Variants in XIRP2 observed in about 807,000 individuals in gnomAD.
XIRP2 encodes the protein xin actin-binding repeat-containing protein 2.
Under a neutral mutation model 277.0 loss-of-function variants are expected in XIRP2, and 236 were observed. The ratio of observed to expected loss-of-function variants is 0.85; its 90% CI spans 0.77 to 0.95. The LOEUF (loss-of-function observed/expected upper bound fraction) is 0.95. XIRP2 is among the 40% of genes least tolerant of loss of function. The pLI, the probability that XIRP2 is intolerant of heterozygous loss-of-function variation, is 0.00. For synonymous variants in XIRP2, 1,490 were observed against 1,416.5 expected, an observed-to-expected ratio of 1.05 and a Z score of -1.17; for missense variants, 4,640 against 4,157.5, an observed-to-expected ratio of 1.12 and a Z score of -3.19.
chr2:167,027,191 C>T (rs1271260295), intron 2 of XIRP2, among the ~76,000 whole-genome samples: 2 of 152,088 alleles, frequency 1.3e-5, no homozygotes, highest in East Asian at 1.9e-4. Context: ...TTCTTGGAGG[C>T]TTTGTTCATT....
At chr2:167,045,372 GC>G (rs1462315088) in intron 2 of XIRP2, among the ~76,000 whole-genome samples, 1 of 151,962 alleles carries the variant, frequency 6.6e-6, no homozygotes, top group African/African-American at 2.4e-5. Context: ...GACTCCAAAA[GC>G]AATTGCAACA....
chr2:167,141,172 T>G (rs1286437492), intron 3 of XIRP2, among the ~76,000 whole-genome samples: 3 of 152,168 alleles, frequency 2.0e-5, no homozygotes, highest in Non-Finnish European at 4.4e-5. Flanking sequence ...TTTACTACCC[T>G]GAAATTGGAA....
At position 167,246,056 on chromosome 2, in the gene XIRP2, C is replaced by T. The variant is rs1302568355; in HGVS notation, c.4664C>T (p.Thr1555Ile). ...ATTATTGGCAAGAGCATTAAAGAAA[C>T]CTTAGAAGATCTCTACTCTCAAAAA... is the stretch of plus-strand genomic sequence containing the variant. ...IEIIGKSIKE[T>I]LEDLYSQKVI... is the part of the protein sequence containing the mutation. Residue 1555 changes from threonine (T) to isoleucine (I), a missense_variant, in exon 9 of 11, where the codon ACC becomes ATC. Coordinates refer to ENST00000409195, the MANE Select transcript of XIRP2 (RefSeq NM_152381.6). 2.5e-6 allele frequency: 4 copies of T among 1,613,408 alleles called. No homozygotes were observed. Among genetic ancestry groups the T allele is most frequent in the Admixed American group, 1.7e-5 (1 of 59,930 alleles).
At chr2:167,108,599 A>T (rs1001654879) in intron 2 of XIRP2, among the ~76,000 whole-genome samples, 6 of 152,086 alleles carry the variant, frequency 3.9e-5, no homozygotes, top group African/African-American at 1.4e-4. Context: ...TAATAGTTTT[A>T]AATTTAAATC....
chr2:167,258,397 A>T lies in XIRP2; in HGVS notation c.*580A>T. The T allele has an allele frequency of 6.2e-7, 1 of 1,613,448 alleles. No homozygotes were observed. The highest frequency in any genetic ancestry group is 8.5e-7 in the Non-Finnish European group (1 of 1,179,684). On this transcript the variant is annotated 3_prime_UTR_variant, in exon 11 of 11. Coordinates refer to ENST00000409195, the MANE Select transcript of XIRP2 (RefSeq NM_152381.6). The stretch of plus-strand genomic sequence containing the variant: ...TTTGTCAGAAAGAGGATGTTATAGG[A>T]ATCAAAGAAATGAAAATGCCTGAAG...
At chr2:166,962,166 G>C (rs139792987) in intron 2 of XIRP2, among the ~76,000 whole-genome samples, 98 of 151,760 alleles carry the variant, frequency 6.5e-4, no homozygotes, top group African/African-American at 2.2e-3. Context: ...TCTTGTAACA[G>C]CTTAAAAAGT....
chr2:167,007,450 T>A (rs144443038), intron 2 of XIRP2, among the ~76,000 whole-genome samples: 1 of 151,652 alleles, frequency 6.6e-6, no homozygotes, highest in Admixed American at 6.6e-5. Flanking sequence ...TTACCAGTAA[T>A]GTTAATCAGT....
intron 2 of XIRP2, among the ~76,000 whole-genome samples, chr2:166,907,619 T>A (rs1684559178): frequency 6.6e-6 from 1 of 152,056 alleles, no homozygotes; most frequent in African/African-American, 2.4e-5. Context: ...GAAGTTTTTT[T>A]TTTTTTTTTA....
chr2:167,084,289 G>T (rs1342859120), intron 2 of XIRP2, among the ~76,000 whole-genome samples: 1 of 152,164 alleles, frequency 6.6e-6, no homozygotes, highest in African/African-American at 2.4e-5. Context: ...TAGGGATGAA[G>T]CCCACTTGAT....
chr2:167,036,746 T>C (rs113371333), intron 2 of XIRP2, among the ~76,000 whole-genome samples: 1 of 152,290 alleles, frequency 6.6e-6, no homozygotes, highest in South Asian at 2.1e-4. Flanking sequence ...GGTTTGGCTG[T>C]GTCCCCACCC....
chr2:166,969,017 A>T (rs553746304), intron 2 of XIRP2, among the ~76,000 whole-genome samples: 1 of 151,978 alleles, frequency 6.6e-6, no homozygotes, highest in Non-Finnish European at 1.5e-5. Flanking sequence ...GAAGAGTTTT[A>T]TCAAGGCTCT....
intron 2 of XIRP2, among the ~76,000 whole-genome samples, chr2:167,130,865 A>AGGT (rs1691353516): frequency 2.0e-5 from 3 of 151,796 alleles, no homozygotes; most frequent in Admixed American, 2.0e-4. Context: ...CCCAAACTAG[A>AGGT]ACTATGGAGA....
intron 2 of XIRP2, among the ~76,000 whole-genome samples, chr2:166,933,884 G>T (rs1197167994): frequency 6.6e-6 from 1 of 151,750 alleles, no homozygotes; most frequent in African/African-American, 2.4e-5. Flanking sequence ...TCTGATATTT[G>T]CTATTTCTTG....
At chr2:167,085,717 T>G (rs928548077) in intron 2 of XIRP2, among the ~76,000 whole-genome samples, 1 of 151,906 alleles carries the variant, frequency 6.6e-6, no homozygotes, top group African/African-American at 2.4e-5. Context: ...TTGTCTCTTT[T>G]GATCTTTGTT....
chr2:167,080,964 A>G (rs977712084), intron 2 of XIRP2, among the ~76,000 whole-genome samples: 1 of 152,182 alleles, frequency 6.6e-6, no homozygotes, highest in Non-Finnish European at 1.5e-5. Flanking sequence ...TGATCTGAGT[A>G]TACAATGTTC....
intron 3 of XIRP2, among the ~76,000 whole-genome samples, chr2:167,164,445 CAAAAA>C (rs36066566): frequency 4.3e-5 from 2 of 46,642 alleles, no homozygotes; most frequent in Non-Finnish European, 8.3e-5. Context: ...GACTCCGTCT[CAAAAA>C]AAAAAAAAAA....
chr2:167,100,907 G>A (rs1462828076), intron 2 of XIRP2, among the ~76,000 whole-genome samples: 1 of 152,144 alleles, frequency 6.6e-6, no homozygotes, highest in East Asian at 1.9e-4. Context: ...TTATTTTCTA[G>A]AGATTTAGAT....
At chr2:166,935,383 T>G (rs1685464549) in intron 2 of XIRP2, among the ~76,000 whole-genome samples, 1 of 152,192 alleles carries the variant, frequency 6.6e-6, no homozygotes, top group Admixed American at 6.5e-5. Context: ...GAGGGATGGA[T>G]GGACTGGAAA....
Position 167,258,287 on chromosome 2 carries a change from C to G in XIRP2, c.*470C>G. 1 of 1,613,370 alleles carries G rather than the reference C, an allele frequency of 6.2e-7. No homozygotes were observed. The highest frequency in any genetic ancestry group is 8.5e-7 in the Non-Finnish European group (1 of 1,179,642). ...CCCTGAATTTAAAAGTGAATCTCTG[C>G]TAGAAGATGTTAGAACTCCAGAAAA... is the stretch of plus-strand genomic sequence containing the variant. On this transcript the variant is annotated 3_prime_UTR_variant, in exon 11 of 11. Transcript: ENST00000409195.
Sources: gnomAD v4.1 joint callset for allele counts (sites outside exome capture counted in the v4.1 genomes callset) on GRCh38, gnomAD v4.1.1 for gene constraint, MANE v1.5 for transcripts, NCBI Gene and HGNC (gene_info 2026-07-23, HGNC 2026-07-21) for gene names.